Variants in KALRN observed in about 807,000 individuals in gnomAD.
KALRN encodes kalirin.
KALRN carries 70 observed loss-of-function variants against 353.7 expected under a neutral mutation model. The observed-to-expected ratio is 0.20, with a 90% CI of 0.16 to 0.24. The LOEUF (loss-of-function observed/expected upper bound fraction) is 0.24. Among genes scored for constraint, KALRN ranks in the 10% least tolerant of loss-of-function variants. The pLI is 1.00. For missense variants in KALRN, 2,791 were observed against 3,756.7 expected (o/e 0.74, Z 6.72); for synonymous variants, 1,391 against 1,434.8 (o/e 0.97, Z 0.69).
rs149923815 is a variant in KALRN, at chr3:124,658,476, C to T, written c.6082C>T (p.Arg2028Cys). Residue 2028 changes from arginine to cysteine, a missense_variant, in exon 42 of 60, where the codon CGC becomes TGC. Coordinates refer to ENST00000682506, the MANE Select transcript of KALRN (RefSeq NM_001388419.1). ...CGTGTGGTATTGTCAGAATAAGCCG[C>T]GCTCAGAGTACATCGTTGCTGAGTA... ...IYVWYCQNKP[R>C]SEYIVAEYDA... 1.2e-5 allele frequency: 20 copies of T among 1,614,002 alleles called. No homozygotes were observed. The highest frequency in any genetic ancestry group is 6.7e-5 in the African/African-American group (5 of 74,924).
At chr3:124,593,989 G>A (rs1561369649) in intron 34 of KALRN, among the ~76,000 whole-genome samples, 1 of 151,350 alleles carries the variant, frequency 6.6e-6, no homozygotes. Flanking sequence ...CACCACACCC[G>A]GCCTCCTCAT....
At position 124,708,656 on chromosome 3, in the gene KALRN, A is replaced by G. The variant is rs2062751343; in HGVS notation, c.8076-4279A>G. 2.6e-5 allele frequency among the ~76,000 whole-genome samples: 4 copies of G among 152,258 alleles called. No individual in the cohort carries two copies. The South Asian group carries it at 8.3e-4, about 32-fold the overall frequency. ...ATGGAAAAATATCAAAAGGTCTGAC[A>G]TTCATGTCATTAGAACTCCTAAGGG... On this transcript the variant is annotated intron_variant, in intron 57 of 59. Coordinates refer to ENST00000682506, the MANE Select transcript of KALRN (RefSeq NM_001388419.1).
intron 1 of KALRN, among the ~76,000 whole-genome samples, chr3:124,189,668 G>A (rs752423451): frequency 3.9e-5 from 6 of 152,092 alleles, no homozygotes; most frequent in Non-Finnish European, 5.9e-5. Flanking sequence ...GGCCAGGTGC[G>A]GTGGCTCATG....
At chr3:124,104,509 G>C (rs2332741) in intron 1 of KALRN, among the ~76,000 whole-genome samples, 42,982 of 151,884 alleles carry the variant, frequency 0.28, 6,829 homozygotes, top group East Asian at 0.46. Context: ...GCATCTGTGT[G>C]ATAAGAGTTA....
chr3:124,488,111 G>A (rs2062754442), intron 28 of KALRN, 93 bp from the exon 29 acceptor site: 3 of 726,654 alleles, frequency 4.1e-6, no homozygotes, highest in South Asian at 3.5e-5. Context: ...ATTACAGAGA[G>A]CGAAGCTGGT....
intron 1 of KALRN, among the ~76,000 whole-genome samples, chr3:124,084,076 G>C (rs1208562089): frequency 1.3e-5 from 2 of 152,180 alleles, no homozygotes; most frequent in African/African-American, 4.8e-5. Flanking sequence ...GAAGGAGAAA[G>C]GAAAATGGTT....
At chr3:124,492,605 T>A (rs1561124375) in intron 31 of KALRN, 135 bp from the exon 32 acceptor site, 2 of 899,112 alleles carry the variant, frequency 2.2e-6, no homozygotes, top group Non-Finnish European at 3.3e-6. Context: ...GTCATAAGTA[T>A]GAAATGAGAA....
At chr3:124,606,624 T>C (rs561292801) in intron 34 of KALRN, among the ~76,000 whole-genome samples, 10 of 152,188 alleles carry the variant, frequency 6.6e-5, no homozygotes, top group Non-Finnish European at 1.5e-4. Context: ...ACAGATCTCA[T>C]TATACATAAA....
intron 3 of KALRN, among the ~76,000 whole-genome samples, chr3:124,253,579 C>A (rs1303283226): frequency 2.6e-5 from 4 of 152,198 alleles, no homozygotes; most frequent in African/African-American, 9.7e-5. Context: ...GCCAGTGCCA[C>A]CCTCATTAAA....
Position 124,276,055 on chromosome 3 carries a change from T to G in KALRN, c.969+6800T>G, listed in dbSNP as rs1005059589. ...GCACCCTCTACATCTGAGACACTTG[T>G]CACCTTCTGCTTTGCAGTATAGCTA... On this transcript the variant is annotated intron_variant, in intron 5 of 59. Coordinates refer to ENST00000682506, the MANE Select transcript of KALRN (RefSeq NM_001388419.1). Among the ~76,000 whole-genome samples the G allele has an allele frequency of 6.6e-5, 10 of 152,330 alleles. No individual in the cohort carries two copies. In the Middle Eastern group the frequency reaches 0.024, roughly 363 times the overall value.
chr3:124,509,132 A>G (rs2065580320), intron 33 of KALRN, among the ~76,000 whole-genome samples: 1 of 152,206 alleles, frequency 6.6e-6, no homozygotes, highest in Non-Finnish European at 1.5e-5. Context: ...TGATAAACAC[A>G]TACACTTTGA....
chr3:124,642,629 T>C (rs1421597714), intron 37 of KALRN, among the ~76,000 whole-genome samples: 2 of 152,094 alleles, frequency 1.3e-5, no homozygotes, highest in Admixed American at 6.5e-5. Flanking sequence ...TTTGTGTGTG[T>C]GCTTTGCCCC....
rs1199416675 is a variant in KALRN, at chr3:124,125,898, C to T, written c.73+92085C>T. Among the ~76,000 whole-genome samples, 5 of 152,086 alleles carry T rather than the reference C, an allele frequency of 3.3e-5. No individual in the cohort carries two copies. The South Asian group carries it at 1.0e-3, about 32-fold the overall frequency. Reference sequence around the variant, plus strand: ...CCTGATTAGGTGTTTCTGCTTTGAGCAGGAGTGGTTCCATGAGTTAGAGGC... The same window carrying T: ...CCTGATTAGGTGTTTCTGCTTTGAGTAGGAGTGGTTCCATGAGTTAGAGGC... On this transcript the variant is annotated intron_variant, in intron 1 of 59. Transcript: ENST00000682506.
At chr3:124,567,399 C>G (rs2072987675) in intron 34 of KALRN, among the ~76,000 whole-genome samples, 1 of 152,214 alleles carries the variant, frequency 6.6e-6, no homozygotes, top group African/African-American at 2.4e-5. Context: ...CTTCCCTCCT[C>G]TGCCTTCTGT....
At chr3:124,530,166 C>T (rs1387296530) in intron 33 of KALRN, among the ~76,000 whole-genome samples, 2 of 152,154 alleles carry the variant, frequency 1.3e-5, no homozygotes, top group African/African-American at 2.4e-5. Flanking sequence ...TTTTAATGAG[C>T]TTTAGGACTG....
intron 34 of KALRN, among the ~76,000 whole-genome samples, chr3:124,579,595 G>A (rs2074431870): frequency 1.3e-5 from 2 of 152,092 alleles, no homozygotes; most frequent in Admixed American, 1.3e-4. Flanking sequence ...TAAGGTCCAG[G>A]AATAAAGCTT....
chr3:124,329,085 TTGCATTTTAAAGG>T (rs1314133670), intron 7 of KALRN, among the ~76,000 whole-genome samples: 1 of 152,234 alleles, frequency 6.6e-6, no homozygotes, highest in East Asian at 1.9e-4. Context: ...GGTGAATTAT[TTGCATTTTAAAGG>T]TGCATTTTTC....
intron 57 of KALRN, among the ~76,000 whole-genome samples, chr3:124,703,231 C>T (rs1216638686): frequency 2.0e-5 from 3 of 152,092 alleles, no homozygotes; most frequent in Non-Finnish European, 2.9e-5. Context: ...CACTGCCTTC[C>T]GTTACAGCAC....
At chr3:124,225,024 A>T (rs1018738108) in intron 1 of KALRN, among the ~76,000 whole-genome samples, 2 of 152,224 alleles carry the variant, frequency 1.3e-5, no homozygotes, top group African/African-American at 4.8e-5. Flanking sequence ...CTACCAAGAC[A>T]CGTACCCGAT....
Sources: allele counts gnomAD v4.1 joint callset (sites outside exome capture counted in the v4.1 genomes callset), GRCh38; gene constraint gnomAD v4.1.1; transcripts MANE v1.5; gene names NCBI Gene and HGNC (gene_info 2026-07-23, HGNC 2026-07-21).